Variants in PYGM observed in about 807,000 individuals in gnomAD.
PYGM encodes the protein glycogen phosphorylase, muscle associated.
Under a neutral mutation model 99.3 loss-of-function variants are expected in PYGM, and 81 were observed. The observed-to-expected ratio is 0.82, with a 90% CI of 0.68 to 0.98. The LOEUF is 0.98. Ranked by LOEUF, PYGM falls within the 50% of genes least tolerant of loss-of-function variation. The pLI is 0.00. For synonymous variants in PYGM, 436 were observed against 451.5 expected, an observed-to-expected ratio of 0.97 and a Z score of 0.44; for missense variants, 1,030 against 1,158.1, an observed-to-expected ratio of 0.89 and a Z score of 1.61.
At chr11:64,757,603 GTGTCCC>G (rs1240400458) in intron 5 of PYGM, among the ~76,000 whole-genome samples, 170 bp downstream of exon 5, 2 of 152,192 alleles carry the variant, frequency 1.3e-5, no homozygotes, top group East Asian at 3.8e-4. Flanking sequence ...TGGCTCCCCT[GTGTCCC>G]TGTCTCCAGT....
intron 16 of PYGM, 73 bp from the exon 17 acceptor site, chr11:64,750,656 G>A: frequency 6.9e-7 from 1 of 1,447,394 alleles, no homozygotes; most frequent in Non-Finnish European, 9.5e-7. Flanking sequence ...CTCAGATTAG[G>A]CTGGCCCCAG....
Position 64,753,678 on chromosome 11 carries a change from ACCCGCTGTG to A in PYGM, c.1240-5_1243del. The A allele has an allele frequency of 6.2e-7, 1 of 1,606,430 alleles. No individual in the cohort carries two copies. The highest frequency in any genetic ancestry group is 8.5e-7 in the Non-Finnish European group (1 of 1,178,774). On this transcript the variant is annotated splice_acceptor_variant and splice_polypyrimidine_tract_variant and coding_sequence_variant and intron_variant, in exon 11 of 20. Coordinates refer to ENST00000164139, the MANE Select transcript of PYGM (RefSeq NM_005609.4). LOFTEE classifies it high-confidence loss of function. Reference sequence around the variant, plus strand: ...TACGTCCCCTGGGAATGCGGCCGCCACCCGCTGTGCCCAGAGAGCCCAGAGCTAGAACCA... The same window carrying A: ...TACGTCCCCTGGGAATGCGGCCGCCACCCAGAGAGCCCAGAGCTAGAACCA...
chr11:64,751,516 C>G (rs751500621), intron 15 of PYGM, 50 bp from the exon 16 acceptor site: 7 of 1,614,048 alleles, frequency 4.3e-6, no homozygotes, highest in Non-Finnish European at 5.9e-6. Context: ...CCCCCACCCC[C>G]TATCCTGCAA....
Position 64,747,268 on chromosome 11 carries a change from G to A in PYGM, c.2268C>T (p.Pro756=), listed in dbSNP as rs144229867. The change falls in exon 18 of 20, where the codon CCC becomes CCT. Residue 756 remains proline, a synonymous_variant. Transcript: ENST00000164139. ...LSSGFFSPKQ[P]DLFKDIVNML... is the part of the protein sequence containing the mutation. ...TATTGACAATGTCCTTGAACAGGTC[G>A]GGCTGTTTGGGGGAGAAGAAGCCAC... The A allele has an allele frequency of 3.4e-4, 549 of 1,614,116 alleles. No homozygotes were observed. Among genetic ancestry groups the A allele is most frequent in the Non-Finnish European group, 4.3e-4 (511 of 1,179,930 alleles).
At chr11:64,758,195 G>T in intron 4 of PYGM, 51 bp downstream of exon 4, 1 of 1,543,364 alleles carries the variant, frequency 6.5e-7, no homozygotes, top group South Asian at 1.1e-5. Context: ...AACAAGTGGG[G>T]GTCTTCCCCA....
chr11:64,747,316 C>T lies in PYGM; in HGVS notation c.2220G>A (p.Arg740=), dbSNP rs533583089. The T allele has an allele frequency of 4.3e-6, 7 of 1,614,098 alleles. No homozygotes were observed. In the South Asian group the frequency reaches 6.6e-5, roughly 15 times the overall value. Reference sequence around the variant, plus strand: ...CACTGCTCAGCTGCTCAATGACCTGCCGAAGCTCAGGAATGCGATCGTAGT... The same window carrying T: ...CACTGCTCAGCTGCTCAATGACCTGTCGAAGCTCAGGAATGCGATCGTAGT... The part of the protein sequence containing the change: ...QEYYDRIPEL[R]QVIEQLSSGF... Residue 740 remains arginine, a synonymous_variant, in exon 18 of 20, where the codon CGG becomes CGA. Transcript: ENST00000164139.
chr11:64,757,750 G>C, intron 5 of PYGM, 29 bp downstream of exon 5: 1 of 1,613,922 alleles, frequency 6.2e-7, no homozygotes, highest in Non-Finnish European at 8.5e-7. Flanking sequence ...CCTTCTCTGG[G>C]CTCCCCTGAC....
chr11:64,749,312 A>G (rs1434433261), intron 17 of PYGM, among the ~76,000 whole-genome samples: 1 of 151,840 alleles, frequency 6.6e-6, no homozygotes, highest in Non-Finnish European at 1.5e-5. Flanking sequence ...GTGCCATTGC[A>G]CTGCGGCCTG....
In PYGM at chr11:64,754,573, C is replaced by T. The variant is rs2058381537; in HGVS notation, c.999+120G>A. On this transcript the variant is annotated intron_variant, in intron 8 of 19. Transcript: ENST00000164139. The surrounding 1 kb of genome is among the most constrained non-coding windows in gnomAD (Gnocchi z 5.5). ...GGATTGTGAATCCTGAACAACTGAC[C>T]CTCCCACACTCCCAGTCTCCACTCC... 7.1e-7 allele frequency: 1 copy of T among 1,409,328 alleles called. No homozygotes were observed. Among genetic ancestry groups the T allele is most frequent in the Non-Finnish European group, 9.7e-7 (1 of 1,029,992 alleles). 87.3% of individuals were successfully genotyped at this position (1,409,328 alleles called of 1,614,324 possible).
chr11:64,758,844 C>T, intron 1 of PYGM, 140 bp from the exon 2 acceptor site: 4 of 787,774 alleles, frequency 5.1e-6, no homozygotes, highest in Non-Finnish European at 8.7e-6. Flanking sequence ...TTCTCCCTGT[C>T]TCAGGCTTTG....
chr11:64,753,004 C>T, intron 12 of PYGM, 69 bp downstream of exon 12: 1 of 1,402,360 alleles, frequency 7.1e-7, no homozygotes, highest in Non-Finnish European at 1.0e-6. Flanking sequence ...GAACCACCTA[C>T]ACGACCATAC....
chr11:64,754,845 A>G lies in PYGM; in HGVS notation c.856-9T>C. On this transcript the variant is annotated splice_polypyrimidine_tract_variant and intron_variant, in intron 7 of 19. Transcript: ENST00000164139. The surrounding 1 kb of genome is among the most constrained non-coding windows in gnomAD (Gnocchi z 5.5). ...TCCTTCCCTTCGAAGAACTGGGGAC[A>G]GCATGAGGCAGCGTGAGTCAGGGCG... 1 of 1,613,488 alleles carries G rather than the reference A, an allele frequency of 6.2e-7. No homozygotes were observed. The highest frequency in any genetic ancestry group is 8.5e-7 in the Non-Finnish European group (1 of 1,179,948).
intron 17 of PYGM, among the ~76,000 whole-genome samples, chr11:64,749,211 G>T (rs1276598027): frequency 6.6e-6 from 1 of 150,454 alleles, no homozygotes; most frequent in Non-Finnish European, 1.5e-5. Flanking sequence ...GCTGGGCGTG[G>T]TGGTGGGTAT....
chr11:64,760,593 T>C (rs984837255), upstream of PYGM, among the ~76,000 whole-genome samples: 4 of 152,250 alleles, frequency 2.6e-5, no homozygotes, highest in South Asian at 2.1e-4. Flanking sequence ...CTGGCCAGCA[T>C]TGGCGGGAGG....
intron 12 of PYGM, 27 bp from the exon 13 acceptor site, chr11:64,752,531 C>A (rs544181570): frequency 1.3e-6 from 2 of 1,593,246 alleles, no homozygotes; most frequent in South Asian, 2.2e-5. Flanking sequence ...CTCAGCCAAG[C>A]CCATCCCCAT....
intron 5 of PYGM, among the ~76,000 whole-genome samples, chr11:64,756,737 G>A (rs569975868): frequency 6.4e-4 from 98 of 152,072 alleles, no homozygotes; most frequent in African/African-American, 2.3e-3. Flanking sequence ...ACAGGTGTAA[G>A]TCACCACGCC....
At position 64,752,570 on chromosome 11, in the gene PYGM, C is replaced by T. The variant is rs2058364432; in HGVS notation, c.1519-66G>A. On this transcript the variant is annotated intron_variant, in intron 12 of 19. Transcript: ENST00000164139. ...CTCCCTCCTCCCAACACAGAAGGGG[C>T]CATTTCCAGGTCAGCCAAGCCCCCT... is the stretch of plus-strand genomic sequence containing the variant. 6.1e-6 allele frequency: 9 copies of T among 1,472,826 alleles called. No homozygotes were observed. The South Asian group carries it at 9.3e-5, about 15-fold the overall frequency. 91.2% of individuals were successfully genotyped at this position (1,472,826 alleles called of 1,614,324 possible). A position where few individuals can be genotyped will look rare whatever the true frequency, so the allele number is the denominator to read the frequency against.
intron 17 of PYGM, chr11:64,747,750 T>G (rs1295274482): frequency 3.0e-6 from 1 of 328,212 alleles, no homozygotes; most frequent in Non-Finnish European, 6.0e-6. Context: ...GTACAACCCT[T>G]CAACTGGGCC....
chr11:64,750,230 C>T (rs2058344882), intron 17 of PYGM, 146 bp downstream of exon 17: 1 of 850,688 alleles, frequency 1.2e-6, no homozygotes, highest in African/African-American at 1.7e-5. Flanking sequence ...TGTAAGCGCC[C>T]TCTAAAGTTT....
Sources: allele counts gnomAD v4.1 joint callset (sites outside exome capture counted in the v4.1 genomes callset), GRCh38; gene constraint gnomAD v4.1.1; non-coding constraint Gnocchi (gnomAD v3.1); transcripts MANE v1.5; gene names NCBI Gene and HGNC (gene_info 2026-07-23, HGNC 2026-07-21).